Variants in FER observed in about 807,000 individuals in gnomAD.
FER encodes FER tyrosine kinase.
A neutral mutation model predicts 111.0 loss-of-function variants in FER; 63 were observed. That is an observed-to-expected ratio of 0.57 (90% CI 0.46 to 0.70). The LOEUF is 0.70. Ranked by LOEUF, FER falls within the 30% of genes least tolerant of loss-of-function variation. FER has a pLI of 0.00. For synonymous variants in FER, 327 were observed against 313.9 expected (o/e 1.04, Z -0.44); for missense variants, 914 against 954.0 (o/e 0.96, Z 0.55).
At chr5:109,158,292 G>T (rs1755629490) in intron 17 of FER, among the ~76,000 whole-genome samples, 1 of 151,924 alleles carries the variant, frequency 6.6e-6, no homozygotes, top group Non-Finnish European at 1.5e-5. Flanking sequence ...CAGAAGTCGG[G>T]GTCGGGGCAG....
chr5:108,992,904 C>T (rs180710622), intron 13 of FER, among the ~76,000 whole-genome samples: 1,772 of 143,526 alleles, frequency 0.012, 18 homozygotes, highest in Non-Finnish European at 0.02. Flanking sequence ...CCAGACGGGG[C>T]GGCGGGGCAG....
chr5:108,919,571 C>A (rs150685584), intron 10 of FER, among the ~76,000 whole-genome samples: 1,779 of 152,236 alleles, frequency 0.012, 16 homozygotes, highest in Non-Finnish European at 0.02. Flanking sequence ...CTTAATTACT[C>A]TTTACTGTGT....
At chr5:109,111,617 A>C (rs2126408694) in intron 17 of FER, among the ~76,000 whole-genome samples, 1 of 152,316 alleles carries the variant, frequency 6.6e-6, no homozygotes, top group East Asian at 1.9e-4. Context: ...GAGAGGTTTA[A>C]CTGACTCACA....
At chr5:108,869,380 T>C (rs753596430) in intron 6 of FER, among the ~76,000 whole-genome samples, 2 of 152,146 alleles carry the variant, frequency 1.3e-5, no homozygotes, top group Non-Finnish European at 2.9e-5. Context: ...GAGAGGAATG[T>C]AGTGATTTGA....
intron 10 of FER, among the ~76,000 whole-genome samples, chr5:108,903,019 A>G (rs945024194): frequency 3.3e-5 from 5 of 151,988 alleles, no homozygotes; most frequent in South Asian, 4.1e-4. Flanking sequence ...AAATAATTGG[A>G]CTTCGTTTTC....
chr5:108,787,645 A>G (rs1474638112), intron 2 of FER, among the ~76,000 whole-genome samples: 1 of 152,180 alleles, frequency 6.6e-6, no homozygotes, highest in African/African-American at 2.4e-5. Context: ...TAAAAATCCC[A>G]GGCTCAGCCA....
At chr5:108,861,459 T>A (rs1274462356) in intron 5 of FER, among the ~76,000 whole-genome samples, 1 of 152,182 alleles carries the variant, frequency 6.6e-6, no homozygotes, top group Non-Finnish European at 1.5e-5. Context: ...AAATTATAAT[T>A]TAATCTCTTT....
chr5:109,138,785 G>T (rs1220393905), intron 17 of FER, among the ~76,000 whole-genome samples: 6 of 152,176 alleles, frequency 3.9e-5, no homozygotes, highest in South Asian at 2.1e-4. Flanking sequence ...AGAAAGAGAT[G>T]ATAAGGGTTT....
At chr5:108,833,445 A>G (rs1304418793) in intron 4 of FER, among the ~76,000 whole-genome samples, 1 of 150,638 alleles carries the variant, frequency 6.6e-6, no homozygotes, top group Non-Finnish European at 1.5e-5. Context: ...ACTTCCACCT[A>G]CCCATCACCT....
intron 17 of FER, among the ~76,000 whole-genome samples, chr5:109,167,121 G>T (rs1756635821): frequency 6.6e-6 from 1 of 152,140 alleles, no homozygotes. Context: ...TTGAGGGAAG[G>T]AATTAGTTTA....
chr5:109,049,253 G>A (rs961564275), intron 16 of FER, among the ~76,000 whole-genome samples: 1 of 152,210 alleles, frequency 6.6e-6, no homozygotes, highest in Non-Finnish European at 1.5e-5. Flanking sequence ...AGCCTTGACT[G>A]TGTTCCGTGC....
intron 16 of FER, among the ~76,000 whole-genome samples, chr5:109,075,524 C>T (rs1009678089): frequency 1.3e-5 from 2 of 150,946 alleles, no homozygotes; most frequent in Admixed American, 6.6e-5. Flanking sequence ...CCCAGGTTCA[C>T]ACCATTCTCC....
At chr5:109,075,898 C>T (rs1431897674) in intron 16 of FER, among the ~76,000 whole-genome samples, 1 of 151,922 alleles carries the variant, frequency 6.6e-6, no homozygotes, top group South Asian at 2.1e-4. Context: ...CTGGGATTCT[C>T]CACATAGGAG....
chr5:108,812,915 T>A lies in FER; in HGVS notation c.207+14526T>A, dbSNP rs573610817. On this transcript the variant is annotated intron_variant, in intron 3 of 19. Coordinates refer to ENST00000281092, the MANE Select transcript of FER (RefSeq NM_005246.4). ...CTTTTAATTATATGTGAGTTATAAA[T>A]CCACAATACATTATTATTTTTGCTG... Among the ~76,000 whole-genome samples, 176 of 151,984 alleles carry A rather than the reference T, an allele frequency of 1.2e-3. 3 individuals carry two copies. In the South Asian group the frequency reaches 0.034, roughly 29 times the overall value.
intron 13 of FER, among the ~76,000 whole-genome samples, chr5:109,035,299 G>T (rs1220129122): frequency 6.6e-6 from 1 of 152,152 alleles, no homozygotes; most frequent in Middle Eastern, 3.4e-3. Context: ...TTTGCAGTCA[G>T]TCTTTCTCAA....
At chr5:108,934,406 G>C (rs927900290) in intron 10 of FER, among the ~76,000 whole-genome samples, 2 of 152,108 alleles carry the variant, frequency 1.3e-5, no homozygotes, top group South Asian at 4.1e-4. Context: ...TGTAAAAAAT[G>C]TGATAGAATA....
intron 17 of FER, among the ~76,000 whole-genome samples, chr5:109,143,472 C>G (rs1023635032): frequency 6.6e-6 from 1 of 151,996 alleles, no homozygotes; most frequent in African/African-American, 2.4e-5. Context: ...CATGTCAGAC[C>G]TTTCTATCAG....
chr5:108,991,392 C>A (rs1027228080), intron 13 of FER, among the ~76,000 whole-genome samples: 6 of 151,814 alleles, frequency 4.0e-5, no homozygotes, highest in African/African-American at 1.5e-4. Flanking sequence ...CACGGCCCCC[C>A]CAAAAACAGA....
intron 10 of FER, among the ~76,000 whole-genome samples, chr5:108,941,777 C>CA (rs1397765701): frequency 1.3e-5 from 2 of 152,050 alleles, no homozygotes; most frequent in Non-Finnish European, 2.9e-5. Flanking sequence ...GGATAATTTA[C>CA]AAAAAACGTA....
Sources: allele counts gnomAD v4.1 joint callset (sites outside exome capture counted in the v4.1 genomes callset), GRCh38; gene constraint gnomAD v4.1.1; transcripts MANE v1.5; gene names NCBI Gene and HGNC (gene_info 2026-07-23, HGNC 2026-07-21).